Variants in STON2 observed in about 807,000 individuals in gnomAD.
STON2 encodes stonin 2.
In STON2, 29 loss-of-function variants were observed where a neutral mutation model predicts 65.7. The ratio of observed to expected loss-of-function variants is 0.44; its 90% CI spans 0.33 to 0.60. The LOEUF (loss-of-function observed/expected upper bound fraction) is 0.60, where lower values mean the gene tolerates loss of function less well. Ranked by LOEUF, STON2 falls within the 20% of genes least tolerant of loss-of-function variation. The pLI is 0.03. For missense variants in STON2, 1,054 were observed against 1,118.1 expected, an observed-to-expected ratio of 0.94 and a Z score of 0.82; for synonymous variants, 404 against 414.2, an observed-to-expected ratio of 0.98 and a Z score of 0.30.
Position 81,277,589 on chromosome 14 carries a change from A to C in STON2, c.1893T>G (p.Asp631Glu). Residue 631 changes from aspartate to glutamate, a missense_variant, in exon 6 of 8, where the codon GAT (aspartate) becomes GAG (glutamate). By Grantham distance (45) the Asp-to-Glu change is conservative. Transcript: ENST00000614646. ...CAATGCCAGAGAATTCATCTCTGAC[A>C]TCCACTGTAATCTCCTCTTCAAGGT... Reference protein sequence around the residue: ...LNYLEEEITVDVRDEFSGIVS... With the variant: ...LNYLEEEITVEVRDEFSGIVS... 1 of 1,614,198 alleles carries C rather than the reference A, an allele frequency of 6.2e-7. No homozygotes were observed. Among genetic ancestry groups the C allele is most frequent in the South Asian group, 1.1e-5 (1 of 91,092 alleles).
Position 81,263,787 on chromosome 14 carries a change from G to A in STON2, c.*4627C>T. ...CTGGGAGCATTTCTATAAGCAGGCT[G>A]GATGGTAGTGCTTCCTACTTAAACC... On this transcript the variant is annotated 3_prime_UTR_variant, in exon 8 of 8. Transcript: ENST00000614646. The A allele has an allele frequency of 7.1e-6, 7 of 985,294 alleles. No individual in the cohort carries two copies. The highest frequency in any genetic ancestry group is 8.4e-6 in the Non-Finnish European group (7 of 829,888). The allele number at this position is 985,294 out of a possible 1,614,324, so 61.0% of individuals were successfully genotyped here. A position where few individuals can be genotyped will look rare whatever the true frequency, so the allele number is the denominator to read the frequency against.
At position 81,412,431 on chromosome 14, in the gene STON2, T is replaced by C. The variant is rs544579004; in HGVS notation, c.-198-13851A>G. 6.1e-4 allele frequency among the ~76,000 whole-genome samples: 86 copies of C among 139,888 alleles called. 19 individuals are homozygous for C. Among genetic ancestry groups the C allele is most frequent in the African/African-American group, 2.5e-3 (84 of 34,138 alleles). The allele number at this position is 139,888 out of a possible 152,430, so 91.8% of individuals were successfully genotyped here. On this transcript the variant is annotated intron_variant, in intron 2 of 8. Transcript: ENST00000553821. ...TAAAAAGAAAGCAAATTCTGATACA[T>C]GCTACAACATGAATGACCCGTGAGG...
chr14:81,340,545 G>T (rs1338152118), intron 4 of STON2, among the ~76,000 whole-genome samples: 1 of 152,298 alleles, frequency 6.6e-6, no homozygotes, highest in Admixed American at 6.5e-5. Flanking sequence ...TGTCTTGTGA[G>T]TATTTGTGTC....
At chr14:81,292,996 C>A (rs1031717852) in intron 5 of STON2, among the ~76,000 whole-genome samples, 1 of 152,170 alleles carries the variant, frequency 6.6e-6, no homozygotes, top group African/African-American at 2.4e-5. Flanking sequence ...CCGTCTTGCT[C>A]AAGTCTTCAT....
chr14:81,411,501 G>A (rs1901156659), intron 2 of STON2, among the ~76,000 whole-genome samples: 1 of 152,254 alleles, frequency 6.6e-6, no homozygotes, highest in East Asian at 1.9e-4. Flanking sequence ...GAGGTCAGGA[G>A]TTTGAGACCA....
chr14:81,267,268 T>C lies in STON2; in HGVS notation c.*1146A>G, dbSNP rs1894392361. On this transcript the variant is annotated 3_prime_UTR_variant, in exon 8 of 8. Coordinates refer to ENST00000614646, the MANE Select transcript of STON2 (RefSeq NM_001394390.1). Reference sequence around the variant, plus strand: ...CGTTCTGACTCTTGGAATCAGAATATAATGTTCCCAACATTAGAAAAATAT... The same window carrying C: ...CGTTCTGACTCTTGGAATCAGAATACAATGTTCCCAACATTAGAAAAATAT... 1.0e-6 allele frequency: 1 copy of C among 985,420 alleles called. No homozygotes were observed. The highest frequency in any genetic ancestry group is 1.2e-6 in the Non-Finnish European group (1 of 829,940). 61.0% of individuals were successfully genotyped at this position (985,420 alleles called of 1,614,324 possible). A position where few individuals can be genotyped will look rare whatever the true frequency, so the allele number is the denominator to read the frequency against.
intron 5 of STON2, among the ~76,000 whole-genome samples, chr14:81,298,892 T>C (rs969177003): frequency 5.9e-5 from 9 of 152,226 alleles, no homozygotes; most frequent in African/African-American, 1.7e-4. Flanking sequence ...ATTAATTATA[T>C]AGAATTTTAA....
chr14:81,302,933 C>A (rs1034083820), intron 5 of STON2, among the ~76,000 whole-genome samples: 1 of 152,168 alleles, frequency 6.6e-6, no homozygotes. Context: ...ATGTAAGGCA[C>A]TGCCATCTAT....
intron 5 of STON2, among the ~76,000 whole-genome samples, chr14:81,302,551 G>T (rs1015206045): frequency 2.6e-5 from 4 of 152,234 alleles, no homozygotes; most frequent in African/African-American, 9.6e-5. Context: ...ACTCATTAAA[G>T]TAAGAGAATG....
intron 5 of STON2, among the ~76,000 whole-genome samples, chr14:81,301,031 C>T (rs951345794): frequency 3.9e-5 from 6 of 152,144 alleles, no homozygotes; most frequent in African/African-American, 1.4e-4. Flanking sequence ...TATGCAACAA[C>T]ATGACGAATC....
At position 81,277,821 on chromosome 14, in the gene STON2, T is replaced by A. The variant is rs749810729; in HGVS notation, c.1661A>T (p.His554Leu). The A allele has an allele frequency of 6.2e-6, 10 of 1,614,064 alleles. No individual in the cohort carries two copies. Among genetic ancestry groups the A allele is most frequent in the Non-Finnish European group, 2.5e-6 (3 of 1,180,032 alleles). ...LQNYDENGRI[H>L]SLRIDRVTYK... Reference sequence around the variant, plus strand: ...GGTGACACGGTCTATCCGCAAGCTGTGGATTCTGCCATTCTCATCATAGTT... The same window carrying A: ...GGTGACACGGTCTATCCGCAAGCTGAGGATTCTGCCATTCTCATCATAGTT... Residue 554 changes from histidine (H) to leucine (L), a missense_variant, in exon 6 of 8, where the codon CAC becomes CTC. Physicochemically the swap from His to Leu is moderately conservative, Grantham distance 99 (BLOSUM62 -3). Coordinates refer to ENST00000614646, the MANE Select transcript of STON2 (RefSeq NM_001394390.1).
At chr14:81,429,028 T>C (rs923734129) in intron 1 of STON2, among the ~76,000 whole-genome samples, 3 of 152,230 alleles carry the variant, frequency 2.0e-5, no homozygotes, top group Non-Finnish European at 4.4e-5. Flanking sequence ...AGCACTAAAA[T>C]GGTACCTTCT....
At chr14:81,408,117 T>C (rs1050956995) in intron 2 of STON2, among the ~76,000 whole-genome samples, 2 of 149,904 alleles carry the variant, frequency 1.3e-5, no homozygotes, top group Non-Finnish European at 2.9e-5. Flanking sequence ...TAATAAAACC[T>C]GAACAGAGTT....
Position 81,270,792 on chromosome 14 carries a change from C to A in STON2, c.2662G>T (p.Val888Leu), listed in dbSNP as rs141381354. Reference sequence around the variant, plus strand: ...GTGGGCATGCTGAACTCGACATTCACGTGATTGGCAAATCTGGAAGGCACT... The same window carrying A: ...GTGGGCATGCTGAACTCGACATTCAAGTGATTGGCAAATCTGGAAGGCACT... ...REVPSRFANHVNVEFSMPTTS... is the reference protein window; with the variant it reads ...REVPSRFANHLNVEFSMPTTS... The change falls in exon 7 of 8, where the codon GTG becomes TTG. Residue 888 changes from valine (V) to leucine (L), a missense_variant. Val to Leu is a conservative substitution (Grantham distance 32). Coordinates refer to ENST00000614646, the MANE Select transcript of STON2 (RefSeq NM_001394390.1). 6.2e-7 allele frequency: 1 copy of A among 1,613,964 alleles called. No individual in the cohort carries two copies. The highest frequency in any genetic ancestry group is 1.3e-5 in the African/African-American group (1 of 74,912).
chr14:81,425,897 T>G (rs1901949719), intron 2 of STON2, among the ~76,000 whole-genome samples: 1 of 152,248 alleles, frequency 6.6e-6, no homozygotes, highest in Admixed American at 6.5e-5. Flanking sequence ...TTATTATTTT[T>G]TTTAAAGAAG....
intron 3 of STON2, among the ~76,000 whole-genome samples, chr14:81,387,614 C>A (rs573608042): frequency 6.6e-6 from 1 of 152,090 alleles, no homozygotes; most frequent in Non-Finnish European, 1.5e-5. Flanking sequence ...TCAGGCCAGG[C>A]GTGGTGGCTC....
intron 4 of STON2, among the ~76,000 whole-genome samples, chr14:81,338,419 A>T (rs534895957): frequency 3.2e-4 from 48 of 152,306 alleles, no homozygotes; most frequent in African/African-American, 1.1e-3. Flanking sequence ...GAGGGTGTGG[A>T]AGCTCTGGGC....
chr14:81,357,941 T>G, intron 4 of STON2, among the ~76,000 whole-genome samples: 1 of 148,370 alleles, frequency 6.7e-6, no homozygotes, highest in African/African-American at 2.5e-5. Flanking sequence ...TACTGCTAGA[T>G]GACGAGTTAG....
At chr14:81,358,806 T>C (rs569194537) in intron 4 of STON2, among the ~76,000 whole-genome samples, 5 of 152,306 alleles carry the variant, frequency 3.3e-5, no homozygotes, top group African/African-American at 9.6e-5. Context: ...GGACATTATA[T>C]AATGATTAAG....
Sources: gnomAD v4.1 joint callset for allele counts (sites outside exome capture counted in the v4.1 genomes callset) on GRCh38, gnomAD v4.1.1 for gene constraint, MANE v1.5 for transcripts, NCBI Gene and HGNC (gene_info 2026-07-23, HGNC 2026-07-21) for gene names.